The following GSTM3 variants were observed in gnomAD, a reference collection of about 807,000 sequenced individuals.
The protein encoded by GSTM3 is glutathione S-transferase mu 3.
GSTM3 carries 34 observed loss-of-function variants against 36.1 expected under a neutral mutation model. The ratio of observed to expected loss-of-function variants is 0.94; its 90% CI spans 0.72 to 1.25. The LOEUF (loss-of-function observed/expected upper bound fraction) is 1.25, where lower values mean the gene tolerates loss of function less well. Ranked by LOEUF, GSTM3 falls within the 50% of genes most tolerant of loss-of-function variation. GSTM3 has a pLI of 0.00. For synonymous variants in GSTM3, 102 were observed against 99.5 expected (o/e 1.03, Z -0.15); for missense variants, 266 against 281.6 (o/e 0.94, Z 0.40).
rs1387087822 is a variant in GSTM3, at chr1:109,737,535, G to A, written c.501C>T (p.Ile167=). ...GGTCAAATATACGGTTCTGATCCAA[G>A]ATATCATAGGTGAGAAAATCCACAA... ...LTFVDFLTYD[I]LDQNRIFDPK... The change falls in exon 8 of 9, where the codon ATC becomes ATT. Residue 167 remains isoleucine (I), a synonymous_variant. Transcript: ENST00000361066. 1.9e-6 allele frequency: 3 copies of A among 1,613,254 alleles called. No individual in the cohort carries two copies. The highest frequency in any genetic ancestry group is 1.1e-5 in the South Asian group (1 of 91,040).
At chr1:109,739,521 C>A (rs767981531) in intron 3 of GSTM3, 28 bp from the exon 4 acceptor site, 8 of 1,554,336 alleles carry the variant, frequency 5.1e-6, no homozygotes, top group Non-Finnish European at 7.1e-6. Flanking sequence ...AAGTGGGACC[C>A]AACCTCCTTA....
Position 109,740,255 on chromosome 1 carries a change from G to C in GSTM3, c.33C>G (p.Tyr11Ter), listed in dbSNP as rs1199396372. Residue 11 changes from tyrosine to a stop codon, truncating the protein, a stop_gained, in exon 2 of 9, where the codon TAC becomes TAG. Coordinates refer to ENST00000361066, the MANE Select transcript of GSTM3 (RefSeq NM_000849.5). LOFTEE classifies it high-confidence loss of function. The stretch of plus-strand genomic sequence containing the variant: ...CGGCACTCACCCCACGAATATCCCA[G>C]TACCCGAGAACCATAGACGACTCGC... MSCESSMVLG[Y>*]WDIRGLAHAI... The C allele has an allele frequency of 1.2e-6, 2 of 1,613,468 alleles. No individual in the cohort carries two copies. The highest frequency in any genetic ancestry group is 2.2e-5 in the East Asian group (1 of 44,880).
In GSTM3 at chr1:109,739,720, T is replaced by C. The variant is rs1217797877; in HGVS notation, c.124+113A>G. 3.7e-5 allele frequency: 30 copies of C among 806,202 alleles called. No homozygotes were observed. In the East Asian group the frequency reaches 6.4e-4, roughly 17 times the overall value. The allele number at this position is 806,202 out of a possible 1,614,324, so 49.9% of individuals were successfully genotyped here. A position where few individuals can be genotyped will look rare whatever the true frequency, so the allele number is the denominator to read the frequency against. On this transcript the variant is annotated intron_variant, in intron 3 of 8. Transcript: ENST00000361066. Reference sequence around the variant, plus strand: ...AAGGATGTGTCTCTATTCACCCAGATTGGGGCAAACGTCCCACCCGGCCTT... The same window carrying C: ...AAGGATGTGTCTCTATTCACCCAGACTGGGGCAAACGTCCCACCCGGCCTT...
intron 1 of GSTM3, among the ~76,000 whole-genome samples, 161 bp downstream of exon 1, chr1:109,740,790 AGT>A (rs1649361876): frequency 6.6e-6 from 1 of 152,200 alleles, no homozygotes; most frequent in African/African-American, 2.4e-5. Context: ...CCTCTCTGTC[AGT>A]CAAGGACCTC....
chr1:109,736,914 C>T lies in GSTM3; in HGVS notation c.*157G>A, dbSNP rs1649214265. On this transcript the variant is annotated 3_prime_UTR_variant, in exon 9 of 9. Coordinates refer to ENST00000361066, the MANE Select transcript of GSTM3 (RefSeq NM_000849.5). ...CGATTCAATTCATATCTTGATGATT[C>T]TCCACATATCCTTTTTCCCTTTTAG... 2 of 593,370 alleles carry T rather than the reference C, an allele frequency of 3.4e-6. No homozygotes were observed. Among genetic ancestry groups the T allele is most frequent in the Non-Finnish European group, 6.1e-6 (2 of 329,540 alleles). The allele number at this position is 593,370 out of a possible 1,614,324, so 36.8% of individuals were successfully genotyped here. A position where few individuals can be genotyped will look rare whatever the true frequency, so the allele number is the denominator to read the frequency against.
chr1:109,738,223 GC>G, intron 5 of GSTM3, 32 bp from the exon 6 acceptor site: 6 of 1,595,780 alleles, frequency 3.8e-6, no homozygotes, highest in Non-Finnish European at 5.2e-6. Flanking sequence ...ATCACCCTTG[GC>G]ATCATCCACT....
At position 109,737,111 on chromosome 1, in the gene GSTM3, T is replaced by A; in HGVS notation, c.638A>T (p.Asn213Ile). 6.2e-7 allele frequency: 1 copy of A among 1,613,904 alleles called. No individual in the cohort carries two copies. The highest frequency in any genetic ancestry group is 8.5e-7 in the Non-Finnish European group (1 of 1,179,728). Residue 213 changes from asparagine to isoleucine, a missense_variant, in exon 9 of 9, where the codon AAC becomes ATC. By Grantham distance (149) the Asn-to-Ile change is moderately radical. Transcript: ENST00000361066. ...GTTGCCCCACTGGGCCATCTTGTTGTTGATGGGCATCTTGCAGAACTGATC... is the reference window on the plus strand; with the variant it reads ...GTTGCCCCACTGGGCCATCTTGTTGATGATGGGCATCTTGCAGAACTGATC... ...QSDQFCKMPI[N>I]NKMAQWGNKP...
Position 109,737,179 on chromosome 1 carries a change from A to G in GSTM3, c.580-10T>C. 1 of 1,584,516 alleles carries G rather than the reference A, an allele frequency of 6.3e-7. No homozygotes were observed. The highest frequency in any genetic ancestry group is 2.2e-5 in the East Asian group (1 of 44,736). On this transcript the variant is annotated splice_polypyrimidine_tract_variant and intron_variant, in intron 8 of 8. Transcript: ENST00000361066. ...CGATTTTCTCCAAAGCCTGAAAGGA[A>G]AATACACCAAATCTTATAACGACCC...
At position 109,736,937 on chromosome 1, in the gene GSTM3, TAGCC is replaced by T; in HGVS notation, c.*130_*133del. ...TTCTCCACATATCCTTTTTCCCTTT[TAGCC>T]TTTATACCCAAGAGAAACTCAGCTG... On this transcript the variant is annotated 3_prime_UTR_variant, in exon 9 of 9. Transcript: ENST00000361066. 1.6e-6 allele frequency: 1 copy of T among 620,832 alleles called. No individual in the cohort carries two copies. The allele number at this position is 620,832 out of a possible 1,614,324, so 38.5% of individuals were successfully genotyped here. A position where few individuals can be genotyped will look rare whatever the true frequency, so the allele number is the denominator to read the frequency against.
At position 109,735,678 on chromosome 1, in the gene GSTM3, C is replaced by T. The variant is rs1230522536; in HGVS notation, c.*1393G>A. On this transcript the variant is annotated 3_prime_UTR_variant, in exon 9 of 9. Coordinates refer to ENST00000361066, the MANE Select transcript of GSTM3 (RefSeq NM_000849.5). Reference sequence around the variant, plus strand: ...TTTTTTTTTGAGACAGAGTCTCGCCCTGTAGCCAGGCTGGAGTGCAGTGGC... The same window carrying T: ...TTTTTTTTTGAGACAGAGTCTCGCCTTGTAGCCAGGCTGGAGTGCAGTGGC... The T allele has an allele frequency of 7.8e-6, 1 of 128,162 alleles. No homozygotes were observed. The highest frequency in any genetic ancestry group is 1.6e-5 in the Non-Finnish European group (1 of 64,368). The allele number at this position is 128,162 out of a possible 1,614,324, so 7.9% of individuals were successfully genotyped here.
In GSTM3 at chr1:109,738,344, T is replaced by C. The variant is rs1299938521; in HGVS notation, c.212A>G (p.Lys71Arg). Residue 71 changes from lysine to arginine, a missense_variant, in exon 5 of 9, where the codon AAG (lysine) becomes AGG (arginine). Coordinates refer to ENST00000361066, the MANE Select transcript of GSTM3 (RefSeq NM_000849.5). ...GGCATTGCTCTGGGTGATCTTGTTC[T>C]TCCCATCCAGGAGGTAGGGCAGCTG... ...FPNLPYLLDG[K>R]NKITQSNAIL... 6.2e-7 allele frequency: 1 copy of C among 1,613,906 alleles called. No homozygotes were observed. The highest frequency in any genetic ancestry group is 8.5e-7 in the Non-Finnish European group (1 of 1,179,750).
Position 109,738,073 on chromosome 1 carries a change from T to A in GSTM3, c.372+18A>T. 1 of 1,516,244 alleles carries A rather than the reference T, an allele frequency of 6.6e-7. No homozygotes were observed. The highest frequency in any genetic ancestry group is 9.2e-7 in the Non-Finnish European group (1 of 1,090,702). 93.9% of individuals were successfully genotyped at this position (1,516,244 alleles called of 1,614,324 possible). A position where few individuals can be genotyped will look rare whatever the true frequency, so the allele number is the denominator to read the frequency against. ...TTTCTGATACTCCATTCAGCAGATG[T>A]GTGCTAAGGAAACTCACGTGGTCAG... On this transcript the variant is annotated intron_variant, in intron 6 of 8. Transcript: ENST00000361066.
chr1:109,740,208 C>T (rs1649329754), intron 2 of GSTM3, 32 bp downstream of exon 2: 1 of 1,601,056 alleles, frequency 6.2e-7, no homozygotes. Flanking sequence ...GTCTCTTTGA[C>T]CGAGCGGCTC....
Position 109,739,469 on chromosome 1 carries a change from C to G in GSTM3, c.149G>C (p.Trp50Ser), listed in dbSNP as rs1302518107. 1 of 1,612,590 alleles carries G rather than the reference C, an allele frequency of 6.2e-7. No homozygotes were observed. Among genetic ancestry groups the G allele is most frequent in the Non-Finnish European group, 8.5e-7 (1 of 1,178,854 alleles). Residue 50 changes from tryptophan (W) to serine (S), a missense_variant, in exon 4 of 9, where the codon TGG becomes TCG. Transcript: ENST00000361066. ...GEAPDYDRSQWLDVKFKLDLD... is the reference protein window; with the variant it reads ...GEAPDYDRSQSLDVKFKLDLD... ...GTCTAGCTTGAATTTCACATCCAGC[C>G]ATTGGCTTCGATCATAGTCAGGAGC... is the stretch of plus-strand genomic sequence containing the variant.
intron 3 of GSTM3, 127 bp from the exon 4 acceptor site, chr1:109,739,620 G>A: frequency 2.6e-6 from 2 of 773,326 alleles, no homozygotes. Flanking sequence ...TAACCATTGA[G>A]CCTCTGAGCC....
At chr1:109,740,607 A>C (rs889659838) in intron 1 of GSTM3, 96 bp from the exon 2 acceptor site, 3 of 378,920 alleles carry the variant, frequency 7.9e-6, no homozygotes, top group Middle Eastern at 7.4e-4. Flanking sequence ...AAGACGCGAA[A>C]AGCACCACTA....
chr1:109,737,388 T>A, intron 8 of GSTM3, 69 bp downstream of exon 8: 1 of 1,021,240 alleles, frequency 9.8e-7, no homozygotes, highest in Non-Finnish European at 1.6e-6. Flanking sequence ...AATCCTCCAC[T>A]ATGGGATCCT....
At position 109,738,222 on chromosome 1, in the gene GSTM3, G is replaced by A. The variant is rs762730766; in HGVS notation, c.272-31C>T. 9 of 1,595,672 alleles carry A rather than the reference G, an allele frequency of 5.6e-6. No individual in the cohort carries two copies. In the East Asian group the frequency reaches 1.8e-4, roughly 32 times the overall value. ...GGCCAAATGACAACAAATCACCCTTGGCATCATCCACTCTCAGACAAACTA... is the reference window on the plus strand; with the variant it reads ...GGCCAAATGACAACAAATCACCCTTAGCATCATCCACTCTCAGACAAACTA... On this transcript the variant is annotated intron_variant, in intron 5 of 8. Coordinates refer to ENST00000361066, the MANE Select transcript of GSTM3 (RefSeq NM_000849.5).
At position 109,738,349 on chromosome 1, in the gene GSTM3, A is replaced by T; in HGVS notation, c.207T>A (p.Asp69Glu). The stretch of plus-strand genomic sequence containing the variant: ...TGCTCTGGGTGATCTTGTTCTTCCC[A>T]TCCAGGAGGTAGGGCAGCTGAAAGG... ...LDFPNLPYLL[D>E]GKNKITQSNA... The change falls in exon 5 of 9, where the codon GAT becomes GAA. Residue 69 changes from aspartate (D) to glutamate (E), a missense_variant. By Grantham distance (45) the Asp-to-Glu change is conservative. Transcript: ENST00000361066. The T allele has an allele frequency of 2.5e-6, 4 of 1,613,506 alleles. No individual in the cohort carries two copies. The highest frequency in any genetic ancestry group is 3.4e-6 in the Non-Finnish European group (4 of 1,179,388).
Sources: allele counts gnomAD v4.1 joint callset (sites outside exome capture counted in the v4.1 genomes callset), GRCh38; gene constraint gnomAD v4.1.1; transcripts MANE v1.5; gene names NCBI Gene and HGNC (gene_info 2026-07-23, HGNC 2026-07-21).